Variants in OSTC observed in about 807,000 individuals in gnomAD.
The protein encoded by OSTC is oligosaccharyltransferase complex non-catalytic subunit.
In OSTC, 16 loss-of-function variants were observed where a neutral mutation model predicts 16.4. The observed-to-expected ratio is 0.98, with a 90% CI of 0.66 to 1.49. The LOEUF (loss-of-function observed/expected upper bound fraction) is 1.49, where lower values mean the gene tolerates loss of function less well. OSTC is among the 40% of genes most tolerant of loss of function. The pLI is 0.00. For synonymous variants in OSTC, 67 were observed against 68.5 expected (o/e 0.98, Z 0.11); for missense variants, 139 against 186.3 (o/e 0.75, Z 1.48).
In OSTC at chr4:108,655,607, T is replaced by A. The variant is rs1726680441; in HGVS notation, c.183T>A (p.Ser61=). 6.2e-7 allele frequency: 1 copy of A among 1,609,958 alleles called. No homozygotes were observed. Reference sequence around the variant, plus strand: ...TTGTTGAACCTCCAAGTGTCGGTTCTATGACTGATGAACATGGGCATCAGA... The same window carrying A: ...TTGTTGAACCTCCAAGTGTCGGTTCAATGACTGATGAACATGGGCATCAGA... The part of the protein sequence containing the change: ...DVIVEPPSVG[S]MTDEHGHQRP... The change falls in exon 2 of 4, where the codon TCT becomes TCA. Residue 61 remains serine (S), a synonymous_variant. Coordinates refer to ENST00000361564, the MANE Select transcript of OSTC (RefSeq NM_021227.4).
chr4:108,665,445 CT>C (rs371138600), intron 3 of OSTC, among the ~76,000 whole-genome samples: 1,848 of 114,110 alleles, frequency 0.016, 14 homozygotes, highest in African/African-American at 0.055. Context: ...TGTTGTAAAC[CT>C]TTTTTTTTTT....
At position 108,664,872 on chromosome 4, in the gene OSTC, G is replaced by A. The variant is rs370699900; in HGVS notation, c.432-2375G>A. The stretch of plus-strand genomic sequence containing the variant: ...CTCCCAAAGTGCTGGGATTACAGGC[G>A]TGAGCCACTGTGCCCAGCCAAACCT... On this transcript the variant is annotated intron_variant, in intron 3 of 3. Transcript: ENST00000361564. Among the ~76,000 whole-genome samples, 74 of 152,234 alleles carry A rather than the reference G, an allele frequency of 4.9e-4. 1 individual carries two copies. The highest frequency in any genetic ancestry group is 1.4e-3 in the African/African-American group (60 of 41,540).
intron 3 of OSTC, among the ~76,000 whole-genome samples, chr4:108,666,752 TC>T (rs1727017609): frequency 7.1e-6 from 1 of 141,336 alleles, no homozygotes; most frequent in South Asian, 2.2e-4. Context: ...ACGCGTGTAA[TC>T]CCAGCACTTT....
chr4:108,650,874 C>A, intron 1 of OSTC, 80 bp downstream of exon 1: 1 of 1,593,946 alleles, frequency 6.3e-7, no homozygotes, highest in Non-Finnish European at 8.6e-7. Flanking sequence ...TCCGCTGACT[C>A]TCAGCCCCGG....
At chr4:108,654,872 C>T (rs1167360841) in intron 1 of OSTC, among the ~76,000 whole-genome samples, 5 of 152,134 alleles carry the variant, frequency 3.3e-5, no homozygotes, top group African/African-American at 1.2e-4. Context: ...TACATTTAAG[C>T]AATTTCTCTA....
At chr4:108,661,299 A>C (rs193167036) in intron 3 of OSTC, among the ~76,000 whole-genome samples, 1 of 152,262 alleles carries the variant, frequency 6.6e-6, no homozygotes, top group Non-Finnish European at 1.5e-5. Flanking sequence ...GAAAAAATTA[A>C]ACGTAGTCCC....
intron 3 of OSTC, among the ~76,000 whole-genome samples, chr4:108,666,711 C>A (rs866229484): frequency 8.4e-4 from 86 of 102,042 alleles, no homozygotes; most frequent in Middle Eastern, 6.3e-3. Context: ...AACTCCATCT[C>A]AAAAAAAAAA....
intron 3 of OSTC, among the ~76,000 whole-genome samples, chr4:108,658,606 T>C (rs1160611227): frequency 6.6e-6 from 1 of 152,186 alleles, no homozygotes; most frequent in Admixed American, 6.5e-5. Flanking sequence ...CCATATATTC[T>C]AATTTAATTC....
At chr4:108,658,716 G>T (rs1726775754) in intron 3 of OSTC, among the ~76,000 whole-genome samples, 2 of 151,892 alleles carry the variant, frequency 1.3e-5, no homozygotes, top group African/African-American at 4.8e-5. Context: ...ATTTTTTAGG[G>T]ACTGTGTTAA....
intron 3 of OSTC, among the ~76,000 whole-genome samples, chr4:108,658,425 T>TTTTGTGTGTG (rs139808647): frequency 2.1e-4 from 31 of 150,036 alleles, no homozygotes; most frequent in Non-Finnish European, 3.3e-4. Flanking sequence ...ATTTATATAT[T>TTTTGTGTGTG]TGTGTGTGTG....
chr4:108,652,742 A>T (rs1726589324), intron 1 of OSTC, among the ~76,000 whole-genome samples: 1 of 152,184 alleles, frequency 6.6e-6, no homozygotes, highest in African/African-American at 2.4e-5. Context: ...TCCGTTAAAA[A>T]TGTTCACAAA....
At chr4:108,660,528 G>A (rs1364025422) in intron 3 of OSTC, among the ~76,000 whole-genome samples, 1 of 152,194 alleles carries the variant, frequency 6.6e-6, no homozygotes, top group Non-Finnish European at 1.5e-5. Context: ...CAAGGAAAGG[G>A]TGTATCTTTC....
At chr4:108,658,659 A>G (rs749611554) in intron 3 of OSTC, among the ~76,000 whole-genome samples, 8 of 152,192 alleles carry the variant, frequency 5.3e-5, no homozygotes, top group Non-Finnish European at 7.3e-5. Flanking sequence ...AAATTTGGGC[A>G]AGCATACCAC....
At chr4:108,665,034 G>C (rs1415255018) in intron 3 of OSTC, among the ~76,000 whole-genome samples, 1 of 152,134 alleles carries the variant, frequency 6.6e-6, no homozygotes, top group Non-Finnish European at 1.5e-5. Context: ...GCAGAAAGAA[G>C]AGTGTGTGAG....
At chr4:108,663,560 T>C (rs999831474) in intron 3 of OSTC, among the ~76,000 whole-genome samples, 1 of 152,192 alleles carries the variant, frequency 6.6e-6, no homozygotes, top group South Asian at 2.1e-4. Context: ...TCTAGGACCA[T>C]TGGAGTGGGT....
chr4:108,660,606 TAAAAAAGATGTC>T (rs1578341085), intron 3 of OSTC, among the ~76,000 whole-genome samples: 2 of 152,074 alleles, frequency 1.3e-5, no homozygotes, highest in East Asian at 3.9e-4. Context: ...ACCACAACAA[TAAAAAAGATGTC>T]AAAAAAACAC....
At chr4:108,655,689 T>C (rs1273674856) in intron 2 of OSTC, 32 bp downstream of exon 2, 1 of 1,487,010 alleles carries the variant, frequency 6.7e-7, no homozygotes, top group South Asian at 1.2e-5. Context: ...GATTTGGTGG[T>C]GGGAAAGAAG....
intron 3 of OSTC, among the ~76,000 whole-genome samples, chr4:108,663,598 T>C (rs1726919141): frequency 6.6e-6 from 1 of 152,222 alleles, no homozygotes; most frequent in Admixed American, 6.5e-5. Context: ...GAGACTTGTG[T>C]TTTAATGCTG....
chr4:108,667,170 T>C (rs1727030078), intron 3 of OSTC, 77 bp from the exon 4 acceptor site: 2 of 1,260,920 alleles, frequency 1.6e-6, no homozygotes, highest in Non-Finnish European at 2.2e-6. Flanking sequence ...TGTTTTGGCA[T>C]TTTGAAATAC....
Sources: gnomAD v4.1 joint callset for allele counts (sites outside exome capture counted in the v4.1 genomes callset) on GRCh38, gnomAD v4.1.1 for gene constraint, MANE v1.5 for transcripts, NCBI Gene and HGNC (gene_info 2026-07-23, HGNC 2026-07-21) for gene names.